SEC22C: variants seen among roughly 807,000 people sequenced by gnomAD.
The protein encoded by SEC22C is vesicle-trafficking protein SEC22c.
SEC22C carries 29 observed loss-of-function variants against 34.7 expected under a neutral mutation model. That is an observed-to-expected ratio of 0.84 (90% CI 0.62 to 1.14). The LOEUF (loss-of-function observed/expected upper bound fraction) is 1.14, where lower values mean the gene tolerates loss of function less well. Among genes scored for constraint, SEC22C ranks in the 50% most tolerant of loss-of-function variants. The pLI is 0.00. For missense variants in SEC22C, 337 were observed against 369.0 expected (o/e 0.91, Z 0.71); for synonymous variants, 117 against 132.8 (o/e 0.88, Z 0.82).
chr3:42,600,991 C>T lies in SEC22C; in HGVS notation c.-59G>A, dbSNP rs780186182. On this transcript the variant is annotated 5_prime_UTR_variant, in exon 1 of 7. Coordinates refer to the SEC22C transcript ENST00000417572. ...TCTCCCCCTCTCTCCCAGCTCTTGC[C>T]GCCACCTCGGTCGCGATGGGGGCGC... 62 of 1,555,286 alleles carry T rather than the reference C, an allele frequency of 4.0e-5. No homozygotes were observed. In the South Asian group the frequency reaches 6.5e-4, roughly 16 times the overall value.
In SEC22C at chr3:42,553,504, T is replaced by C; in HGVS notation, c.712-56A>G. The C allele has an allele frequency of 3.8e-6, 6 of 1,576,238 alleles. No individual in the cohort carries two copies. The South Asian group carries it at 5.8e-5, about 15-fold the overall frequency. On this transcript the variant is annotated intron_variant, in intron 6 of 6. Coordinates refer to ENST00000264454, the MANE Select transcript of SEC22C (RefSeq NM_032970.4). ...CAGAGATAAAATGGCCACTAGATCA[T>C]ATGCAAAATTCACCTCCCACAGCTT...
At chr3:42,561,447 C>T in intron 3 of SEC22C, 151 bp from the exon 4 acceptor site, 1 of 732,536 alleles carries the variant, frequency 1.4e-6, no homozygotes, top group Non-Finnish European at 2.2e-6. Flanking sequence ...GCGATCACAA[C>T]TCACTGCAGC....
At chr3:42,562,383 T>C (rs1702977209) in intron 3 of SEC22C, among the ~76,000 whole-genome samples, 1 of 152,216 alleles carries the variant, frequency 6.6e-6, no homozygotes, top group Non-Finnish European at 1.5e-5. Context: ...AGCAGCCCTC[T>C]TCAGAGAAAG....
At position 42,548,742 on chromosome 3, in the gene SEC22C, G is replaced by A. The variant is rs1346778077; in HGVS notation, c.*4506C>T. 8 of 1,603,402 alleles carry A rather than the reference G, an allele frequency of 5.0e-6. No homozygotes were observed. In the Admixed American group the frequency reaches 1.4e-4, roughly 27 times the overall value. ...GTCCAGGGTGGGAAGAAGAGGGGCT[G>A]CTACCTTTTGGAGTGAAAAAAATGA... On this transcript the variant is annotated 3_prime_UTR_variant, in exon 7 of 7. Coordinates refer to ENST00000264454, the MANE Select transcript of SEC22C (RefSeq NM_032970.4).
chr3:42,583,388 G>A (rs1008611595), upstream of SEC22C, among the ~76,000 whole-genome samples: 3 of 152,164 alleles, frequency 2.0e-5, no homozygotes, highest in Non-Finnish European at 2.9e-5. Context: ...GTGAAGGGGC[G>A]ATGAAGCAGC....
In SEC22C at chr3:42,548,911, T is replaced by C. The variant is rs1212884139; in HGVS notation, c.*4337A>G. 3 of 1,314,508 alleles carry C rather than the reference T, an allele frequency of 2.3e-6. No homozygotes were observed. The highest frequency in any genetic ancestry group is 3.2e-5 in the Admixed American group (1 of 31,684). 81.4% of individuals were successfully genotyped at this position (1,314,508 alleles called of 1,614,324 possible). ...CCACACACAATGGACTCACCCAGTA[T>C]TACCCTCCACTACCACTTTTGACCC... On this transcript the variant is annotated 3_prime_UTR_variant, in exon 7 of 7. Coordinates refer to ENST00000264454, the MANE Select transcript of SEC22C (RefSeq NM_032970.4).
At chr3:42,572,281 T>C (rs1183817722) in intron 1 of SEC22C, among the ~76,000 whole-genome samples, 1 of 147,120 alleles carries the variant, frequency 6.8e-6, no homozygotes, top group African/African-American at 2.5e-5. Context: ...GAAAAGGTAA[T>C]GCATAGCAAA....
Position 42,549,121 on chromosome 3 carries a change from A to G in SEC22C, c.*4127T>C. 2 of 993,048 alleles carry G rather than the reference A, an allele frequency of 2.0e-6. No homozygotes were observed. The highest frequency in any genetic ancestry group is 3.5e-5 in the African/African-American group (2 of 57,644). 61.5% of individuals were successfully genotyped at this position (993,048 alleles called of 1,614,324 possible). ...CCTTCTCTCTCAAGGGCACAGCTAC[A>G]CTCTTTCTCCACCATTATTAACACT... On this transcript the variant is annotated 3_prime_UTR_variant, in exon 7 of 7. Transcript: ENST00000264454.
rs144127774 is a variant in SEC22C, at chr3:42,594,554, G to A, written c.-28+6406C>T. ...TAATCTTCCATTTGGCTGTCGTGAG[G>A]AGTAATTGAATGTAATCCATCTCTT... On this transcript the variant is annotated intron_variant, in intron 1 of 6. Coordinates refer to the SEC22C transcript ENST00000417572. 195 of 1,527,256 alleles carry A rather than the reference G, an allele frequency of 1.3e-4. 2 individuals carry two copies. In the East Asian group the frequency reaches 4.4e-3, roughly 34 times the overall value. The allele number at this position is 1,527,256 out of a possible 1,614,324, so 94.6% of individuals were successfully genotyped here.
intron 1 of SEC22C, among the ~76,000 whole-genome samples, chr3:42,577,253 C>T (rs1446480363): frequency 6.6e-6 from 1 of 152,098 alleles, no homozygotes; most frequent in Non-Finnish European, 1.5e-5. Context: ...ATTCGGAAAA[C>T]TGGACTGCAA....
chr3:42,590,984 C>T, intron 1 of SEC22C: 4 of 70,520 alleles, frequency 5.7e-5, no homozygotes, highest in Non-Finnish European at 1.1e-4. Context: ...TCCACGCGGG[C>T]GGGCGGGCGG....
chr3:42,560,398 T>C (rs1702827471), intron 4 of SEC22C, among the ~76,000 whole-genome samples: 1 of 150,412 alleles, frequency 6.6e-6, no homozygotes, highest in Non-Finnish European at 1.5e-5. Context: ...CAGCTAAGCG[T>C]GGTAGCTCAC....
intron 1 of SEC22C, among the ~76,000 whole-genome samples, chr3:42,581,641 CG>C (rs1488690658): frequency 6.6e-6 from 1 of 152,270 alleles, no homozygotes; most frequent in Non-Finnish European, 1.5e-5. Flanking sequence ...CCCCGGGGTC[CG>C]GGAACAGGCT....
upstream of SEC22C, among the ~76,000 whole-genome samples, chr3:42,583,003 G>T (rs1046247027): frequency 2.6e-5 from 4 of 152,188 alleles, no homozygotes; most frequent in African/African-American, 9.7e-5. Flanking sequence ...ACTTAAAAAT[G>T]GTTATGTACA....
At position 42,553,332 on chromosome 3, in the gene SEC22C, A is replaced by G. The variant is rs539994946; in HGVS notation, c.828T>C (p.Leu276=). 3.7e-6 allele frequency: 6 copies of G among 1,614,204 alleles called. No individual in the cohort carries two copies. The East Asian group carries it at 1.3e-4, about 36-fold the overall frequency. ...ACAGAAAAGCCACTCCTATGTGGAA[A>G]AGGATTTGCCAGAGGTTCCTCAGCC... ...LHGLRNLWQI[L]FHIGVAFLSS... is the part of the protein sequence containing the mutation. The change falls in exon 7 of 7, where the codon CTT becomes CTC. Residue 276 remains leucine (L), a synonymous_variant. Coordinates refer to ENST00000264454, the MANE Select transcript of SEC22C (RefSeq NM_032970.4).
intron 2 of SEC22C, 35 bp downstream of exon 2, chr3:42,568,830 G>A: frequency 6.3e-7 from 1 of 1,579,758 alleles, no homozygotes; most frequent in Non-Finnish European, 8.7e-7. Context: ...TCCAAATTTT[G>A]CTAATATTCT....
intron 1 of SEC22C, among the ~76,000 whole-genome samples, chr3:42,576,026 G>C (rs1703939037): frequency 6.6e-6 from 1 of 152,012 alleles, no homozygotes; most frequent in African/African-American, 2.4e-5. Flanking sequence ...TATGACCACA[G>C]TGTAATCAAA....
At chr3:42,581,108 G>A (rs1559531363) in intron 1 of SEC22C, among the ~76,000 whole-genome samples, 2 of 152,096 alleles carry the variant, frequency 1.3e-5, no homozygotes, top group East Asian at 1.9e-4. Flanking sequence ...AATTCTATCT[G>A]GCAACGTTAA....
chr3:42,563,972 T>C, intron 2 of SEC22C: 2 of 1,306,510 alleles, frequency 1.5e-6, no homozygotes, highest in Admixed American at 4.9e-5. Flanking sequence ...GCCTCAGACT[T>C]CTCCACATCT....
Sources: gnomAD v4.1 joint callset for allele counts (sites outside exome capture counted in the v4.1 genomes callset) on GRCh38, gnomAD v4.1.1 for gene constraint, MANE v1.5 for transcripts, NCBI Gene and HGNC (gene_info 2026-07-23, HGNC 2026-07-21) for gene names.